The following N4BP2L2 variants were observed in gnomAD, a reference collection of about 807,000 sequenced individuals.
N4BP2L2 encodes NEDD4 binding protein 2 like 2.
N4BP2L2 carries 50 observed loss-of-function variants against 56.2 expected under a neutral mutation model. The ratio of observed to expected loss-of-function variants is 0.89; its 90% CI spans 0.71 to 1.13. The LOEUF is 1.13. N4BP2L2 is among the 50% of genes most tolerant of loss of function. The pLI, the probability that N4BP2L2 is intolerant of heterozygous loss-of-function variation, is 0.00. For missense variants in N4BP2L2, 689 were observed against 693.8 expected, an observed-to-expected ratio of 0.99 and a Z score of 0.08; for synonymous variants, 203 against 223.6, an observed-to-expected ratio of 0.91 and a Z score of 0.82.
At chr13:32,508,758 C>T (rs933485617), downstream of N4BP2L2, 1 of 152,082 alleles carries the variant, frequency 6.6e-6, no homozygotes, top group Non-Finnish European at 1.5e-5. Context: ...AAAAAAGATG[C>T]AAGCATTTGT....
At chr13:32,434,625 G>T (rs1463846991) in intron 9 of N4BP2L2, among the ~76,000 whole-genome samples, 2 of 152,128 alleles carry the variant, frequency 1.3e-5, no homozygotes, top group Non-Finnish European at 2.9e-5. Flanking sequence ...CCAGCAGGGA[G>T]AATATTTGTA....
At chr13:32,444,527 A>G (rs1322510630) in intron 6 of N4BP2L2, among the ~76,000 whole-genome samples, 1 of 152,154 alleles carries the variant, frequency 6.6e-6, no homozygotes, top group Non-Finnish European at 1.5e-5. Flanking sequence ...TCAGCCTCCC[A>G]AAGTGCTGGG....
downstream of N4BP2L2, chr13:32,505,306 C>T (rs1054601706): frequency 3.9e-5 from 6 of 152,202 alleles, no homozygotes; most frequent in African/African-American, 1.4e-4. Flanking sequence ...ATAGGTATAA[C>T]CCCATCTCTA....
At chr13:32,517,716 T>G in exon 6 of N4BP2L2, 1 of 1,492,626 alleles carries the variant, frequency 6.7e-7, no homozygotes, top group Non-Finnish European at 8.9e-7. Flanking sequence ...TAGCCTTTTT[T>G]TATTTGAAAC....
At chr13:32,538,763 G>T (rs116740524) in exon 1 of N4BP2L2, 1 of 985,296 alleles carries the variant, frequency 1.0e-6, no homozygotes, top group Non-Finnish European at 1.2e-6. Flanking sequence ...TCAGAATCGC[G>T]GTAACAAACC....
exon 2 of N4BP2L2, chr13:32,536,818 C>G: frequency 6.2e-7 from 1 of 1,613,978 alleles, no homozygotes; most frequent in Non-Finnish European, 8.5e-7. Flanking sequence ...TGATTTTGTT[C>G]TCCTGCAAAT....
downstream of N4BP2L2, chr13:32,507,820 G>C (rs149066090): frequency 3.2e-4 from 49 of 152,226 alleles, no homozygotes; most frequent in African/African-American, 1.2e-3. Context: ...AGAATTTATA[G>C]ACTACTCTAG....
intron 5 of N4BP2L2, among the ~76,000 whole-genome samples, chr13:32,520,592 G>A (rs1215204958): frequency 6.6e-6 from 1 of 151,524 alleles, no homozygotes; most frequent in Non-Finnish European, 1.5e-5. Flanking sequence ...CTGGGAGGCG[G>A]AGCTTGCAGT....
intron 6 of N4BP2L2, among the ~76,000 whole-genome samples, chr13:32,450,865 T>TC (rs2077880211): frequency 1.6e-4 from 6 of 37,436 alleles, no homozygotes; most frequent in South Asian, 1.2e-3. Context: ...TCCCACCCCA[T>TC]CCCCTTCTCT....
intron 3 of N4BP2L2, 104 bp downstream of exon 3, chr13:32,527,304 G>T: frequency 8.0e-7 from 1 of 1,254,460 alleles, no homozygotes; most frequent in Non-Finnish European, 1.1e-6. Context: ...TAAACGGCTT[G>T]CCTACAGTCA....
intron 6 of N4BP2L2, chr13:32,446,426 CTAG>C: frequency 7.4e-7 from 1 of 1,360,340 alleles, no homozygotes; most frequent in Non-Finnish European, 9.8e-7. Context: ...ATCCTGCAGA[CTAG>C]TATGTCATTC....
At chr13:32,442,626 A>G (rs1464414624) in exon 7 of N4BP2L2, 1 of 1,613,788 alleles carries the variant, frequency 6.2e-7, no homozygotes, top group Admixed American at 1.7e-5. Context: ...AAATTTCTGG[A>G]GAAATAAACC....
chr13:32,475,049 A>T (rs1317695708), intron 6 of N4BP2L2, among the ~76,000 whole-genome samples: 1 of 152,236 alleles, frequency 6.6e-6, no homozygotes, highest in East Asian at 1.9e-4. Context: ...CACTAAAATT[A>T]TACTGTCACC....
At chr13:32,440,443 A>G (rs1164437874) in intron 7 of N4BP2L2, among the ~76,000 whole-genome samples, 3 of 152,288 alleles carry the variant, frequency 2.0e-5, no homozygotes, top group Non-Finnish European at 2.9e-5. Flanking sequence ...TCATAAAGAC[A>G]TTATCTTATA....
chr13:32,477,818 A>G (rs1374921146), intron 6 of N4BP2L2: 2 of 1,240,074 alleles, frequency 1.6e-6, no homozygotes, highest in Non-Finnish European at 2.1e-6. Flanking sequence ...AGAAATACTC[A>G]GCGGATTATT....
At chr13:32,510,285 C>T (rs1457501458), downstream of N4BP2L2, 1 of 151,962 alleles carries the variant, frequency 6.6e-6, no homozygotes, top group Non-Finnish European at 1.5e-5. Flanking sequence ...AAAAATCCAA[C>T]TTAACATAAT....
rs139065349 is a variant in N4BP2L2 at position 32,522,255 on chromosome 13, T to A, written c.1400A>T (p.Asp467Val). ...TATTATAACTGGAGATCTTCCCTGA[T>A]CGATAGCTTGTTTTGCTGAAATAAA... The change falls in exon 4 of 6, where the codon GAT (aspartate) becomes GTT (valine). Residue 467 changes from aspartate (D) to valine (V), a missense_variant. Coordinates refer to ENST00000267068, the Ensembl canonical transcript of N4BP2L2. The A allele has an allele frequency of 3.1e-5, 48 of 1,541,426 alleles. 1 individual carries two copies. The highest frequency in any genetic ancestry group is 4.1e-5 in the Non-Finnish European group (47 of 1,146,948).
intron 7 of N4BP2L2, chr13:32,438,796 C>T (rs1448187915): frequency 7.1e-6 from 9 of 1,266,350 alleles, no homozygotes; most frequent in African/African-American, 1.5e-5. Flanking sequence ...TTTGCCCTAA[C>T]TGTGAAGACA....
chr13:32,506,516 T>G (rs2090976335), downstream of N4BP2L2: 1 of 152,130 alleles, frequency 6.6e-6, no homozygotes, highest in Admixed American at 6.6e-5. Flanking sequence ...CAAGCAACAG[T>G]GAGCAAAACA....
Sources: allele counts gnomAD v4.1 joint callset (sites outside exome capture counted in the v4.1 genomes callset), GRCh38; gene constraint gnomAD v4.1.1; transcripts MANE v1.5; gene names NCBI Gene and HGNC (gene_info 2026-07-23, HGNC 2026-07-21).